ZDHHC5: variants seen among roughly 807,000 people sequenced by gnomAD.
ZDHHC5 encodes the protein zDHHC palmitoyltransferase 5.
ZDHHC5 carries 22 observed loss-of-function variants against 70.0 expected under a neutral mutation model. The ratio of observed to expected loss-of-function variants is 0.31; its 90% CI spans 0.22 to 0.45. The LOEUF (loss-of-function observed/expected upper bound fraction) is 0.45. Among genes scored for constraint, ZDHHC5 ranks in the 20% least tolerant of loss-of-function variants. The pLI is 1.00. For synonymous variants in ZDHHC5, 313 were observed against 347.8 expected (o/e 0.90, Z 1.11); for missense variants, 746 against 926.9 (o/e 0.80, Z 2.53).
At chr11:57,680,776 G>C (rs1437811534) in intron 2 of ZDHHC5, among the ~76,000 whole-genome samples, 1 of 152,100 alleles carries the variant, frequency 6.6e-6, no homozygotes, top group African/African-American at 2.4e-5. Context: ...GGCGGTGCAG[G>C]AACTCTTCTT....
chr11:57,696,007 G>T lies in ZDHHC5; in HGVS notation c.973G>T (p.Gly325Trp), dbSNP rs1185930007. ...PPKPDLSRYTGLRTHLGLATN... is the reference protein window; with the variant it reads ...PPKPDLSRYTWLRTHLGLATN... ...TAAGCCAGACCTGAGCCGTTACACA[G>T]GGTTGCGAACACACCTCGGCTTGGC... The change falls in exon 9 of 12, where the codon GGG becomes TGG. Residue 325 changes from glycine to tryptophan, a missense_variant. By Grantham distance (184) the Gly-to-Trp change is radical (BLOSUM62 -2). This residue lies in a region of ZDHHC5 where 179 missense variants were observed against 178.4 expected (regional missense o/e 1.00). Coordinates refer to ENST00000287169, the MANE Select transcript of ZDHHC5 (RefSeq NM_015457.3). 12 of 1,613,984 alleles carry T rather than the reference G, an allele frequency of 7.4e-6. No individual in the cohort carries two copies. The highest frequency in any genetic ancestry group is 1.0e-5 in the Non-Finnish European group (12 of 1,180,030).
chr11:57,692,616 G>C lies in ZDHHC5; in HGVS notation c.666G>C (p.Thr222=). The C allele has an allele frequency of 1.2e-6, 2 of 1,614,008 alleles. No homozygotes were observed. Among genetic ancestry groups the C allele is most frequent in the Non-Finnish European group, 1.7e-6 (2 of 1,179,990 alleles). Reference sequence around the variant, plus strand: ...TATTTTTTTTCTCCCTCTAGGTTACGGGTAAATTCCGGGGAGGTGTGAACC... The same window carrying C: ...TATTTTTTTTCTCCCTCTAGGTTACCGGTAAATTCCGGGGAGGTGTGAACC... ...ARGRTTNEQV[T]GKFRGGVNPF... is the part of the protein sequence containing the mutation. Residue 222 remains threonine (T), a synonymous_variant, in exon 7 of 12, where the codon ACG becomes ACC. Transcript: ENST00000287169.
intron 2 of ZDHHC5, among the ~76,000 whole-genome samples, chr11:57,676,374 G>C (rs1057057624): frequency 6.6e-6 from 1 of 152,156 alleles, no homozygotes; most frequent in Non-Finnish European, 1.5e-5. Context: ...GAGAGTGTCT[G>C]CTGAAGTAAC....
chr11:57,672,107 G>A lies in ZDHHC5; in HGVS notation c.-984G>A. On this transcript the variant is annotated 5_prime_UTR_variant, in exon 2 of 12. Coordinates refer to ENST00000287169, the MANE Select transcript of ZDHHC5 (RefSeq NM_015457.3). Reference sequence around the variant, plus strand: ...GAGACATTGACTAGTCTGGAAACAGGGACATCTTTGGAACTTCGTTTTCAT... The same window carrying A: ...GAGACATTGACTAGTCTGGAAACAGAGACATCTTTGGAACTTCGTTTTCAT... 2.5e-6 allele frequency: 1 copy of A among 395,576 alleles called. No homozygotes were observed. The highest frequency in any genetic ancestry group is 4.5e-6 in the Non-Finnish European group (1 of 224,656). 24.5% of individuals were successfully genotyped at this position (395,576 alleles called of 1,614,324 possible). A position where few individuals can be genotyped will look rare whatever the true frequency, so the allele number is the denominator to read the frequency against.
At chr11:57,675,156 A>G (rs748043956) in intron 2 of ZDHHC5, among the ~76,000 whole-genome samples, 12 of 152,332 alleles carry the variant, frequency 7.9e-5, no homozygotes, top group Non-Finnish European at 1.0e-4. Context: ...TTCTGGGTCA[A>G]GAGGGGTATG....
intron 7 of ZDHHC5, among the ~76,000 whole-genome samples, chr11:57,693,351 T>C (rs1361035311): frequency 6.6e-6 from 1 of 152,144 alleles, no homozygotes; most frequent in South Asian, 2.1e-4. Flanking sequence ...TCCGCTGATC[T>C]GACAGGAGAT....
intron 1 of ZDHHC5, among the ~76,000 whole-genome samples, chr11:57,671,677 G>A (rs974176562): frequency 6.6e-6 from 1 of 152,090 alleles, no homozygotes; most frequent in African/African-American, 2.4e-5. Flanking sequence ...CTTTGTTCTA[G>A]GACTGCCCTT....
chr11:57,685,752 G>A (rs571285862), intron 3 of ZDHHC5, among the ~76,000 whole-genome samples: 1 of 152,268 alleles, frequency 6.6e-6, no homozygotes, highest in East Asian at 1.9e-4. Context: ...CGTGGGCCGG[G>A]TGCCGTGACT....
intron 3 of ZDHHC5, among the ~76,000 whole-genome samples, chr11:57,687,961 A>T (rs1240795693): frequency 1.3e-5 from 2 of 151,492 alleles, no homozygotes; most frequent in Non-Finnish European, 2.9e-5. Flanking sequence ...AGTAGAGACG[A>T]GGTTTCACCA....
rs541057816 is a variant in ZDHHC5, at chr11:57,696,221, A to T, written c.1009+178A>T. ...GAAAGAGAAGAGAGGCCATTTAGCT[A>T]TTGGCAGTGAATGGGACTTTTGCCG... is the stretch of plus-strand genomic sequence containing the variant. On this transcript the variant is annotated intron_variant, in intron 9 of 11. Transcript: ENST00000287169. Among the ~76,000 whole-genome samples the T allele has an allele frequency of 9.8e-5, 15 of 152,316 alleles. No individual in the cohort carries two copies. In the South Asian group the frequency reaches 2.1e-3, roughly 21 times the overall value.
At chr11:57,681,717 T>C (rs1946151947) in intron 2 of ZDHHC5, 1 of 152,226 alleles carries the variant, frequency 6.6e-6, no homozygotes, top group African/African-American at 2.4e-5. Flanking sequence ...GGGTAGTTTC[T>C]TTTTCCTACA....
At chr11:57,687,153 T>C (rs1220978666) in intron 3 of ZDHHC5, among the ~76,000 whole-genome samples, 1 of 152,176 alleles carries the variant, frequency 6.6e-6, no homozygotes, top group Non-Finnish European at 1.5e-5. Context: ...ACCTAGCATT[T>C]CTTGTGATGT....
intron 6 of ZDHHC5, among the ~76,000 whole-genome samples, chr11:57,692,213 GT>G (rs1946294232): frequency 6.6e-6 from 1 of 152,096 alleles, no homozygotes; most frequent in African/African-American, 2.4e-5. Context: ...TAGAGATGGG[GT>G]TTTGCCATGT....
intron 1 of ZDHHC5, 100 bp downstream of exon 1, chr11:57,668,287 A>T (rs1402335188): frequency 2.6e-5 from 8 of 303,446 alleles, no homozygotes; most frequent in Non-Finnish European, 4.8e-5. Context: ...GAAGACGGGG[A>T]GGGTATTAAG....
intron 6 of ZDHHC5, 136 bp from the exon 7 acceptor site, chr11:57,692,475 A>G: frequency 1.5e-6 from 1 of 687,060 alleles, no homozygotes; most frequent in Non-Finnish European, 2.5e-6. Context: ...ACCATAACAT[A>G]TATAAATTTC....
At chr11:57,675,814 C>T (rs931860272) in intron 2 of ZDHHC5, among the ~76,000 whole-genome samples, 1 of 152,226 alleles carries the variant, frequency 6.6e-6, no homozygotes, top group African/African-American at 2.4e-5. Context: ...AAAAACTATC[C>T]TCTCATGTAT....
chr11:57,697,733 G>A (rs1488796200), intron 10 of ZDHHC5, among the ~76,000 whole-genome samples: 2 of 151,344 alleles, frequency 1.3e-5, no homozygotes, highest in Admixed American at 1.3e-4. Flanking sequence ...GCTTGAACCT[G>A]GGAGGAGAAT....
At chr11:57,669,497 C>G (rs1177329298) in intron 1 of ZDHHC5, among the ~76,000 whole-genome samples, 2 of 152,110 alleles carry the variant, frequency 1.3e-5, no homozygotes, top group African/African-American at 4.8e-5. Context: ...GCTCTGTCGC[C>G]CAGGCTGGAG....
At chr11:57,669,040 C>T (rs1478256069) in intron 1 of ZDHHC5, among the ~76,000 whole-genome samples, 1 of 152,218 alleles carries the variant, frequency 6.6e-6, no homozygotes, top group African/African-American at 2.4e-5. Flanking sequence ...TGCATATCAT[C>T]CTTCTATCTC....
Sources: allele counts gnomAD v4.1 joint callset (sites outside exome capture counted in the v4.1 genomes callset), GRCh38; gene constraint gnomAD v4.1.1; regional missense constraint gnomAD v4.1.1; transcripts MANE v1.5; gene names NCBI Gene and HGNC (gene_info 2026-07-23, HGNC 2026-07-21).